The following DNMT3B variants were observed in gnomAD, a reference collection of about 807,000 sequenced individuals.
DNMT3B encodes DNA (cytosine-5)-methyltransferase 3B.
Under a neutral mutation model 120.2 loss-of-function variants are expected in DNMT3B, and 37 were observed. That is an observed-to-expected ratio of 0.31 (90% CI 0.24 to 0.40). The LOEUF (loss-of-function observed/expected upper bound fraction) is 0.40. Ranked by LOEUF, DNMT3B falls within the 10% of genes least tolerant of loss-of-function variation. DNMT3B has a pLI of 1.00. For synonymous variants in DNMT3B, 412 were observed against 442.8 expected (o/e 0.93, Z 0.87); for missense variants, 878 against 1,137.3 (o/e 0.77, Z 3.28).
rs576086228 is a variant in DNMT3B, at chr20:32,766,941, A to G, written c.-7+4242A>G. Among the ~76,000 whole-genome samples the G allele has an allele frequency of 4.2e-4, 64 of 151,868 alleles. 1 individual carries two copies. Among genetic ancestry groups the G allele is most frequent in the African/African-American group, 1.4e-3 (59 of 41,380 alleles). Reference sequence around the variant, plus strand: ...GTTTCGCTCTTGTCGCCCAGGTTGGAGTGCAATGGCGTGGTCTCGGCTCAC... The same window carrying G: ...GTTTCGCTCTTGTCGCCCAGGTTGGGGTGCAATGGCGTGGTCTCGGCTCAC... On this transcript the variant is annotated intron_variant, in intron 1 of 22. Coordinates refer to ENST00000328111, the MANE Select transcript of DNMT3B (RefSeq NM_006892.4).
At chr20:32,806,496 G>A (rs570355958) in intron 22 of DNMT3B, among the ~76,000 whole-genome samples, 169 bp downstream of exon 22, 1 of 152,214 alleles carries the variant, frequency 6.6e-6, no homozygotes, top group Non-Finnish European at 1.5e-5. Flanking sequence ...TGACAAAAAT[G>A]GCGGAGGGGG....
At chr20:32,790,434 G>A (rs1200505119) in intron 7 of DNMT3B, among the ~76,000 whole-genome samples, 1 of 152,152 alleles carries the variant, frequency 6.6e-6, no homozygotes, top group Non-Finnish European at 1.5e-5. Context: ...ATGGGACCTG[G>A]GTCTGGCCTG....
At position 32,773,934 on chromosome 20, in the gene DNMT3B, G is replaced by GTTTTTTTTTTTTTTTTTTT. The variant is rs1161730284; in HGVS notation, c.-6-6376_-6-6358dup. On this transcript the variant is annotated intron_variant, in intron 1 of 22. Coordinates refer to ENST00000328111, the MANE Select transcript of DNMT3B (RefSeq NM_006892.4). ...GCATGAGCCACTGCGCCCGGCAGTG[G>GTTTTTTTTTTTTTTTTTTT]TTTTTTTTTTTTTTTTTTTTTTTTT... Among the ~76,000 whole-genome samples, 4 of 69,152 alleles carry GTTTTTTTTTTTTTTTTTTT rather than the reference G, an allele frequency of 5.8e-5. 1 individual carries two copies. The highest frequency in any genetic ancestry group is 2.7e-4 in the African/African-American group (4 of 15,076). 45.4% of individuals were successfully genotyped at this position (69,152 alleles called of 152,430 possible).
Position 32,787,268 on chromosome 20 carries a change from A to G in DNMT3B, c.471A>G (p.Pro157=), listed in dbSNP as rs763128122. 1.2e-6 allele frequency: 2 copies of G among 1,614,254 alleles called. No individual in the cohort carries two copies. Among genetic ancestry groups the G allele is most frequent in the South Asian group, 1.1e-5 (1 of 91,092 alleles). ...RRRATASAGT[P]WPSPPSSYLT... Reference sequence around the variant, plus strand: ...GGGCAACAGCATCGGCAGGAACGCCATGGCCGTCCCCTCCCAGCTCTTACC... The same window carrying G: ...GGGCAACAGCATCGGCAGGAACGCCGTGGCCGTCCCCTCCCAGCTCTTACC... Residue 157 remains proline, a synonymous_variant, in exon 6 of 23, where the codon CCA becomes CCG. Coordinates refer to ENST00000328111, the MANE Select transcript of DNMT3B (RefSeq NM_006892.4).
At chr20:32,780,046 A>C (rs1978390043) in intron 1 of DNMT3B, 1 of 1,587,204 alleles carries the variant, frequency 6.3e-7, no homozygotes, top group Non-Finnish European at 8.6e-7. Flanking sequence ...TCTGAGCCTG[A>C]GACCCCAGCC....
Position 32,801,392 on chromosome 20 carries a change from T to C in DNMT3B, c.2111T>C (p.Val704Ala), listed in dbSNP as rs1216492184. 13 of 1,614,072 alleles carry C rather than the reference T, an allele frequency of 8.1e-6. No homozygotes were observed. The highest frequency in any genetic ancestry group is 1.7e-5 in the Admixed American group (1 of 60,002). The change falls in exon 19 of 23, where the codon GTT becomes GCT. Residue 704 changes from valine to alanine, a missense_variant. Coordinates refer to ENST00000328111, the MANE Select transcript of DNMT3B (RefSeq NM_006892.4). ...TTTGAGAATGTTGTAGCCATGAAGG[T>C]TGGCGACAAGAGGGACATCTCACGG... Reference protein sequence around the residue: ...WMFENVVAMKVGDKRDISRFL... With the variant: ...WMFENVVAMKAGDKRDISRFL...
chr20:32,802,595 C>A, intron 20 of DNMT3B, 125 bp downstream of exon 20: 1 of 1,006,482 alleles, frequency 9.9e-7, no homozygotes, highest in Non-Finnish European at 1.6e-6. Flanking sequence ...GGATTTCAGA[C>A]CACCTGTGGT....
At chr20:32,769,232 C>T (rs1207804011) in intron 1 of DNMT3B, among the ~76,000 whole-genome samples, 2 of 152,136 alleles carry the variant, frequency 1.3e-5, no homozygotes, top group Non-Finnish European at 2.9e-5. Context: ...GGACTACAGG[C>T]GCCCGCCACC....
At chr20:32,766,081 A>C (rs927859622) in intron 1 of DNMT3B, among the ~76,000 whole-genome samples, 4 of 152,044 alleles carry the variant, frequency 2.6e-5, no homozygotes, top group Admixed American at 1.3e-4. Flanking sequence ...GTGCTGCCTC[A>C]CACCCATAAT....
intron 2 of DNMT3B, among the ~76,000 whole-genome samples, chr20:32,781,143 C>T (rs1039013422): frequency 1.3e-5 from 2 of 152,180 alleles, no homozygotes; most frequent in African/African-American, 4.8e-5. Context: ...TGGGTCCTGT[C>T]ACGTGCCTGG....
Position 32,765,426 on chromosome 20 carries a change from C to CT in DNMT3B, c.-7+2741dup, listed in dbSNP as rs1332563220. Among the ~76,000 whole-genome samples the CT allele has an allele frequency of 2.1e-3, 194 of 90,258 alleles. 1 individual carries two copies. The highest frequency in any genetic ancestry group is 3.5e-3 in the African/African-American group (82 of 23,522). 59.2% of individuals were successfully genotyped at this position (90,258 alleles called of 152,430 possible). A position where few individuals can be genotyped will look rare whatever the true frequency, so the allele number is the denominator to read the frequency against. Reference sequence around the variant, plus strand: ...GCATTTTCTTTCTCTTTTTTTCTTTCTTTTTTTTTTTTTTGAGACAGTTTT... The same window carrying CT: ...GCATTTTCTTTCTCTTTTTTTCTTTCTTTTTTTTTTTTTTTGAGACAGTTTT... On this transcript the variant is annotated intron_variant, in intron 1 of 22. Transcript: ENST00000328111.
chr20:32,800,591 T>A (rs1981212684), intron 17 of DNMT3B, among the ~76,000 whole-genome samples: 1 of 152,180 alleles, frequency 6.6e-6, no homozygotes, highest in African/African-American at 2.4e-5. Context: ...CCCAAAGTGC[T>A]GGGATTACAG....
At position 32,788,872 on chromosome 20, in the gene DNMT3B, A is replaced by G. The variant is rs1979638949; in HGVS notation, c.673A>G (p.Ile225Val). 6.2e-7 allele frequency: 1 copy of G among 1,614,184 alleles called. No homozygotes were observed. Among genetic ancestry groups the G allele is most frequent in the Non-Finnish European group, 8.5e-7 (1 of 1,180,022 alleles). The change falls in exon 7 of 23, where the codon ATA becomes GTA. Residue 225 changes from isoleucine (I) to valine (V), a missense_variant. Physicochemically the swap from Ile to Val is conservative, Grantham distance 29 (BLOSUM62 3). Coordinates refer to ENST00000328111, the MANE Select transcript of DNMT3B (RefSeq NM_006892.4). Reference sequence around the variant, plus strand: ...CTTCCAGGATGGGAAGGAGTTTGGAATAGGGGACCTCGTGTGGGGAAAGAT... The same window carrying G: ...CTTCCAGGATGGGAAGGAGTTTGGAGTAGGGGACCTCGTGTGGGGAAAGAT... ...SEYQDGKEFG[I>V]GDLVWGKIKG...
chr20:32,802,582 C>A, intron 20 of DNMT3B, 112 bp downstream of exon 20: 1 of 1,152,518 alleles, frequency 8.7e-7, no homozygotes, highest in Non-Finnish European at 1.3e-6. Context: ...AATAGTTATA[C>A]TTGGATTTCA....
intron 1 of DNMT3B, among the ~76,000 whole-genome samples, chr20:32,765,422 C>CTTTT (rs201623266): frequency 7.4e-5 from 9 of 121,318 alleles, no homozygotes; most frequent in African/African-American, 2.1e-4. Context: ...CTCTTTTTTT[C>CTTTT]TTTCTTTTTT....
chr20:32,798,574 C>T lies in DNMT3B; in HGVS notation c.1605C>T (p.Val535=). 1 of 1,614,264 alleles carries T rather than the reference C, an allele frequency of 6.2e-7. No homozygotes were observed. Among genetic ancestry groups the T allele is most frequent in the Non-Finnish European group, 8.5e-7 (1 of 1,180,056 alleles). The change falls in exon 15 of 23, where the codon GTC becomes GTT. Residue 535 remains valine, a synonymous_variant. Transcript: ENST00000328111. ...GTCTCCCGCAGCGCTGTCATGGCGT[C>T]CTGCGGCGCCGGAAGGACTGGAACG... is the stretch of plus-strand genomic sequence containing the variant. ...YMCLPQRCHG[V]LRRRKDWNVR...
chr20:32,798,106 T>C (rs142271192), intron 14 of DNMT3B, among the ~76,000 whole-genome samples: 9 of 152,294 alleles, frequency 5.9e-5, no homozygotes, highest in Admixed American at 1.3e-4. Flanking sequence ...CACACCCAGC[T>C]AGAAGTGCTC....
intron 1 of DNMT3B, among the ~76,000 whole-genome samples, chr20:32,772,994 T>C (rs1377842455): frequency 6.6e-6 from 1 of 152,026 alleles, no homozygotes; most frequent in East Asian, 1.9e-4. Flanking sequence ...AATTTTGTAT[T>C]TTTAGTAGAG....
At chr20:32,804,560 A>G (rs4911110) in intron 20 of DNMT3B, among the ~76,000 whole-genome samples, 86,017 of 151,986 alleles carry the variant, frequency 0.57, 27,540 homozygotes, top group East Asian at 0.92. Context: ...CTCTTGCACC[A>G]GTTTCTGTTC....
Sources: gnomAD v4.1 joint callset for allele counts (sites outside exome capture counted in the v4.1 genomes callset) on GRCh38, gnomAD v4.1.1 for gene constraint, MANE v1.5 for transcripts, NCBI Gene and HGNC (gene_info 2026-07-23, HGNC 2026-07-21) for gene names.